Variants in EBPL observed in about 807,000 individuals in gnomAD.
EBPL encodes the protein EBP like.
In EBPL, 20 loss-of-function variants were observed where a neutral mutation model predicts 19.0. The observed-to-expected ratio is 1.05, with a 90% confidence interval of 0.74 to 1.53. EBPL has a LOEUF of 1.53. Among genes scored for constraint, EBPL ranks in the 40% most tolerant of loss-of-function variants. EBPL has a pLI of 0.00. For missense variants in EBPL, 219 were observed against 261.1 expected (o/e 0.84, Z 1.11); for synonymous variants, 107 against 117.0 (o/e 0.91, Z 0.55).
At position 49,691,313 on chromosome 13, in the gene EBPL, C is replaced by A. The variant is rs1954062089; in HGVS notation, c.112G>T (p.Ala38Ser). 4 of 1,365,740 alleles carry A rather than the reference C, an allele frequency of 2.9e-6. No individual in the cohort carries two copies. The highest frequency in any genetic ancestry group is 3.8e-5 in the South Asian group (2 of 52,270). 84.6% of individuals were successfully genotyped at this position (1,365,740 alleles called of 1,614,324 possible). The change falls in exon 1 of 4, where the codon GCG becomes TCG. Residue 38 changes from alanine to serine, a missense_variant. Physicochemically the swap from Ala to Ser is moderately conservative, Grantham distance 99 (BLOSUM62 1). Around this residue, in one of 2 missense-constraint regions of EBPL, gnomAD observed 170 missense variants for 167.0 expected, o/e 1.02. Coordinates refer to ENST00000242827, the MANE Select transcript of EBPL (RefSeq NM_032565.5). ...LGLRLGRGQG[A>S]ADRGALIWLC... is the part of the protein sequence containing the mutation. ...CAGATGAGCGCCCCGCGGTCCGCCGCCCCCTGCCCGCGGCCCAGGCGCAGG... is the reference window on the plus strand; with the variant it reads ...CAGATGAGCGCCCCGCGGTCCGCCGACCCCTGCCCGCGGCCCAGGCGCAGG...
rs1260387153 is a variant in EBPL, at chr13:49,691,384, G to C, written c.41C>G (p.Ser14Trp). The C allele has an allele frequency of 4.4e-6, 6 of 1,366,300 alleles. No individual in the cohort carries two copies. Among genetic ancestry groups the C allele is most frequent in the Non-Finnish European group, 5.7e-6 (6 of 1,056,092 alleles). 84.6% of individuals were successfully genotyped at this position (1,366,300 alleles called of 1,614,324 possible). ...EWELGAEAGG[S>W]LLLCAALLAA... ...CAGCAGCGCGGCGCACAGCAGCAGC[G>C]AACCGCCAGCCTCGGCCCCCAGCTC... is the stretch of plus-strand genomic sequence containing the variant. The change falls in exon 1 of 4, where the codon TCG becomes TGG. Residue 14 changes from serine (S) to tryptophan (W), a missense_variant. Coordinates refer to ENST00000242827, the MANE Select transcript of EBPL (RefSeq NM_032565.5).
chr13:49,678,056 GCAGC>G (rs879841626), intron 1 of EBPL, among the ~76,000 whole-genome samples: 49 of 152,310 alleles, frequency 3.2e-4, no homozygotes, highest in South Asian at 1.0e-3. Flanking sequence ...GCTGGCTTGG[GCAGC>G]CTGCTTTTAT....
At chr13:49,663,247 T>C in intron 2 of EBPL, 52 bp from the exon 3 acceptor site, 5 of 1,601,912 alleles carry the variant, frequency 3.1e-6, no homozygotes, top group Non-Finnish European at 4.3e-6. Flanking sequence ...TTTATGACAG[T>C]TCATGGAAAT....
At chr13:49,682,714 C>T (rs1414522499) in intron 1 of EBPL, among the ~76,000 whole-genome samples, 1 of 152,202 alleles carries the variant, frequency 6.6e-6, no homozygotes, top group African/African-American at 2.4e-5. Flanking sequence ...ACATTATTTC[C>T]ATACTTCACA....
intron 2 of EBPL, among the ~76,000 whole-genome samples, chr13:49,665,715 C>CT (rs35993290): frequency 0.23 from 34,473 of 146,832 alleles, 4,541 homozygotes; most frequent in Non-Finnish European, 0.31. Context: ...TTCAACAAGT[C>CT]TTTTTTTTTT....
chr13:49,673,991 AC>A (rs1414130246), intron 1 of EBPL, among the ~76,000 whole-genome samples: 2 of 148,284 alleles, frequency 1.3e-5, no homozygotes, highest in Non-Finnish European at 3.0e-5. Context: ...ACACACACAC[AC>A]CACACAAAGA....
intron 1 of EBPL, among the ~76,000 whole-genome samples, chr13:49,687,071 C>CT (rs1430077768): frequency 1.3e-5 from 2 of 152,150 alleles, no homozygotes; most frequent in Non-Finnish European, 2.9e-5. Context: ...TCCCAAAGTG[C>CT]TTATTACAGG....
chr13:49,663,282 G>T, intron 2 of EBPL, 87 bp from the exon 3 acceptor site: 1 of 1,512,690 alleles, frequency 6.6e-7, no homozygotes, highest in Non-Finnish European at 9.1e-7. Context: ...TTAAGGTGGA[G>T]ATAAAATGAG....
chr13:49,672,014 A>C (rs555379823), intron 1 of EBPL, among the ~76,000 whole-genome samples: 1 of 152,264 alleles, frequency 6.6e-6, no homozygotes, highest in South Asian at 2.1e-4. Flanking sequence ...TTGACCTCCT[A>C]GTGAGAATTA....
At chr13:49,668,370 G>A (rs188119264) in intron 2 of EBPL, 8 of 230,826 alleles carry the variant, frequency 3.5e-5, no homozygotes, top group East Asian at 1.7e-4. Context: ...TCAGGAGATC[G>A]AGACCATCCT....
At position 49,691,456 on chromosome 13, in the gene EBPL, C is replaced by T; in HGVS notation, c.-32G>A. On this transcript the variant is annotated 5_prime_UTR_variant, in exon 1 of 4. Coordinates refer to ENST00000242827, the MANE Select transcript of EBPL (RefSeq NM_032565.5). Reference sequence around the variant, plus strand: ...GGCTTCCGACGCCAACGGCCCAGGACCATGCGGCAGAGGAAAGCAGGGAGA... The same window carrying T: ...GGCTTCCGACGCCAACGGCCCAGGATCATGCGGCAGAGGAAAGCAGGGAGA... The T allele has an allele frequency of 5.4e-6, 7 of 1,306,828 alleles. No individual in the cohort carries two copies. The highest frequency in any genetic ancestry group is 6.8e-6 in the Non-Finnish European group (7 of 1,026,786). The allele number at this position is 1,306,828 out of a possible 1,614,324, so 81.0% of individuals were successfully genotyped here.
At chr13:49,665,911 TGGA>T (rs1965220109) in intron 2 of EBPL, among the ~76,000 whole-genome samples, 1 of 152,158 alleles carries the variant, frequency 6.6e-6, no homozygotes, top group South Asian at 2.1e-4. Context: ...GAAGACTTCC[TGGA>T]GGAGGTGTTT....
Position 49,660,980 on chromosome 13 carries a change from C to A in EBPL, c.609G>T (p.Lys203Asn). ...TGGTTTTGAAAGTTCACTGAAACTTCTTCACTGAACTGGTTTCTTTCTGAT... is the reference window on the plus strand; with the variant it reads ...TGGTTTTGAAAGTTCACTGAAACTTATTCACTGAACTGGTTTCTTTCTGAT... ...KMHQKETSSV[K>N]KFQ The change falls in exon 4 of 4, where the codon AAG (lysine) becomes AAT (asparagine). Residue 203 changes from lysine (K) to asparagine (N), a missense_variant. Around this residue, in one of 2 missense-constraint regions of EBPL, gnomAD observed 49 missense variants for 94.1 expected, o/e 0.52. Transcript: ENST00000242827. 6.2e-7 allele frequency: 1 copy of A among 1,608,088 alleles called. No individual in the cohort carries two copies.
At chr13:49,664,498 A>G (rs1016649625) in intron 2 of EBPL, among the ~76,000 whole-genome samples, 3 of 152,190 alleles carry the variant, frequency 2.0e-5, no homozygotes, top group African/African-American at 7.2e-5. Flanking sequence ...CAGGAACACC[A>G]TGACTCAGAA....
At position 49,663,156 on chromosome 13, in the gene EBPL, A is replaced by G. The variant is rs1965174092; in HGVS notation, c.281T>C (p.Phe94Ser). The change falls in exon 3 of 4, where the codon TTT (phenylalanine) becomes TCT (serine). Residue 94 changes from phenylalanine (F) to serine (S), a missense_variant. By Grantham distance (155) the Phe-to-Ser change is radical. This residue lies in a region of EBPL where 170 missense variants were observed against 167.0 expected (regional missense o/e 1.02). Transcript: ENST00000242827. Reference protein sequence around the residue: ...YGKADARWVYFDPTIVSVEIL... With the variant: ...YGKADARWVYSDPTIVSVEIL... ...TTCCACAGACACAATGGTTGGATCA[A>G]AATAAACCCATCTTGCATCAGCTTT... 1.9e-6 allele frequency: 3 copies of G among 1,614,226 alleles called. No individual in the cohort carries two copies. Among genetic ancestry groups the G allele is most frequent in the Non-Finnish European group, 2.5e-6 (3 of 1,180,026 alleles).
At chr13:49,668,948 C>T (rs1235169495) in intron 2 of EBPL, among the ~76,000 whole-genome samples, 3 of 147,308 alleles carry the variant, frequency 2.0e-5, no homozygotes, top group African/African-American at 7.5e-5. Flanking sequence ...GGCGTGATCT[C>T]GGCTCACTGC....
intron 2 of EBPL, among the ~76,000 whole-genome samples, chr13:49,666,111 C>G (rs530471069): frequency 2.6e-5 from 4 of 152,140 alleles, no homozygotes; most frequent in Non-Finnish European, 5.9e-5. Context: ...CACCTGGGAA[C>G]AGTGTTCGGG....
At position 49,669,883 on chromosome 13, in the gene EBPL, C is replaced by T. The variant is rs769300795; in HGVS notation, c.172-37G>A. 5.9e-6 allele frequency: 9 copies of T among 1,529,752 alleles called. No homozygotes were observed. In the Admixed American group the frequency reaches 1.5e-4, roughly 26 times the overall value. 94.8% of individuals were successfully genotyped at this position (1,529,752 alleles called of 1,614,324 possible). On this transcript the variant is annotated intron_variant, in intron 1 of 3. Transcript: ENST00000242827. Reference sequence around the variant, plus strand: ...AAAATGAAGACATGCTCTAATACAGCATCACAACCACAGGATGGCACTGTA... The same window carrying T: ...AAAATGAAGACATGCTCTAATACAGTATCACAACCACAGGATGGCACTGTA...
intron 1 of EBPL, among the ~76,000 whole-genome samples, chr13:49,678,692 C>T (rs982346411): frequency 6.6e-6 from 1 of 151,992 alleles, no homozygotes; most frequent in Non-Finnish European, 1.5e-5. Context: ...CAAAGGGAGC[C>T]GCTCTGGCCG....
Sources: allele counts gnomAD v4.1 joint callset (sites outside exome capture counted in the v4.1 genomes callset), GRCh38; gene constraint gnomAD v4.1.1; regional missense constraint gnomAD v4.1.1; transcripts MANE v1.5; gene names NCBI Gene and HGNC (gene_info 2026-07-23, HGNC 2026-07-21).